The following HAUS8 variants were observed in gnomAD, a reference collection of about 807,000 sequenced individuals.
The protein encoded by HAUS8 is HAUS augmin like complex subunit 8, also known as HAUS augmin-like complex subunit 8.
In HAUS8, 38 loss-of-function variants were observed where a neutral mutation model predicts 42.9. The observed-to-expected ratio is 0.89, with a 90% CI of 0.68 to 1.16. HAUS8 has a LOEUF of 1.16. Ranked by LOEUF, HAUS8 falls within the 50% of genes most tolerant of loss-of-function variation. The pLI is 0.00. For missense variants in HAUS8, 494 were observed against 511.6 expected, an observed-to-expected ratio of 0.97 and a Z score of 0.33; for synonymous variants, 199 against 205.8, an observed-to-expected ratio of 0.97 and a Z score of 0.28.
chr19:17,056,660 G>A (rs1196793272), intron 8 of HAUS8, among the ~76,000 whole-genome samples: 1 of 151,880 alleles, frequency 6.6e-6, no homozygotes, highest in African/African-American at 2.4e-5. Flanking sequence ...GCGCAGTCTC[G>A]GCTCACTGCA....
chr19:17,065,625 C>T (rs1165830518), intron 3 of HAUS8, among the ~76,000 whole-genome samples: 4 of 151,918 alleles, frequency 2.6e-5, no homozygotes, highest in African/African-American at 7.3e-5. Context: ...GTCAGGAGTT[C>T]GAGACCAGCC....
chr19:17,061,884 A>G (rs553007734), intron 4 of HAUS8, among the ~76,000 whole-genome samples: 1 of 152,340 alleles, frequency 6.6e-6, no homozygotes, highest in South Asian at 2.1e-4. Flanking sequence ...CTTCAACCCA[A>G]TTAGATGGGG....
In HAUS8 at chr19:17,075,441, A is replaced by T. The variant is rs1455121044; in HGVS notation, c.-19T>A. 2.5e-6 allele frequency: 4 copies of T among 1,613,084 alleles called. No individual in the cohort carries two copies. The highest frequency in any genetic ancestry group is 1.3e-5 in the African/African-American group (1 of 74,892). On this transcript the variant is annotated 5_prime_UTR_variant, in exon 1 of 11. Coordinates refer to ENST00000253669, the MANE Select transcript of HAUS8 (RefSeq NM_033417.2). ...CCGCCATTTTCCCGCCTTCCACCTC[A>T]AGGCCCGACCCGCCGGCTTTTCAAA... is the stretch of plus-strand genomic sequence containing the variant.
At chr19:17,075,251 A>G (rs2057462822) in intron 1 of HAUS8, 143 bp downstream of exon 1, 1 of 871,542 alleles carries the variant, frequency 1.1e-6, no homozygotes, top group African/African-American at 1.7e-5. Context: ...GCAGCACGCC[A>G]TCGGGGTCTT....
intron 3 of HAUS8, among the ~76,000 whole-genome samples, chr19:17,066,152 C>T (rs1447036975): frequency 6.6e-6 from 1 of 151,962 alleles, no homozygotes; most frequent in African/African-American, 2.4e-5. Flanking sequence ...TAGGGTCTTG[C>T]TATGTTGCCC....
At chr19:17,066,734 GC>G (rs2057389192) in intron 3 of HAUS8, among the ~76,000 whole-genome samples, 1 of 152,140 alleles carries the variant, frequency 6.6e-6, no homozygotes, top group South Asian at 2.1e-4. Context: ...TTTTCTACGA[GC>G]CAGCAATCCT....
At chr19:17,058,162 T>C (rs7359959) in intron 8 of HAUS8, among the ~76,000 whole-genome samples, 67,535 of 152,112 alleles carry the variant, frequency 0.44, 15,265 homozygotes, top group South Asian at 0.58. Context: ...TCCAGGGGTT[T>C]GTTCCTGTCC....
intron 3 of HAUS8, among the ~76,000 whole-genome samples, chr19:17,065,255 GT>G (rs1392040145): frequency 1.4e-4 from 22 of 152,324 alleles, no homozygotes; most frequent in Non-Finnish European, 2.4e-4. Flanking sequence ...ATAACAGGTA[GT>G]TTCCTGTTAC....
intron 8 of HAUS8, among the ~76,000 whole-genome samples, chr19:17,058,325 G>A (rs529136206): frequency 1.3e-4 from 20 of 152,348 alleles, no homozygotes; most frequent in African/African-American, 4.8e-4. Context: ...GTGCATAGAA[G>A]GTGCACACCT....
chr19:17,062,131 A>G (rs976323157), intron 4 of HAUS8, among the ~76,000 whole-genome samples: 2 of 152,036 alleles, frequency 1.3e-5, no homozygotes, highest in African/African-American at 2.4e-5. Context: ...CTTCTTGTTG[A>G]TGTTGTTGAG....
At chr19:17,053,445 T>C in intron 9 of HAUS8, 1 of 159,232 alleles carries the variant, frequency 6.3e-6, no homozygotes, top group South Asian at 1.8e-4. Context: ...AGAGTCACAT[T>C]TTGGGAGCCT....
chr19:17,056,310 G>A (rs1367482773), intron 8 of HAUS8, among the ~76,000 whole-genome samples: 1 of 152,170 alleles, frequency 6.6e-6, no homozygotes, highest in Non-Finnish European at 1.5e-5. Context: ...GCCATCCCCG[G>A]CATGGCCCAC....
chr19:17,058,645 C>T lies in HAUS8; in HGVS notation c.549G>A (p.Lys183=). 1 of 1,613,516 alleles carries T rather than the reference C, an allele frequency of 6.2e-7. No homozygotes were observed. The highest frequency in any genetic ancestry group is 8.5e-7 in the Non-Finnish European group (1 of 1,179,828). ...CCTTTTTCTGTAGCTTCTCCTTCTC[C>T]TTACACATTATTAATAAATTCTTTT... The part of the protein sequence containing the change: ...RAEKNLLIMC[K]EKEKLQKKAH... The change falls in exon 8 of 11, where the codon AAG becomes AAA. Residue 183 remains lysine, a synonymous_variant. Transcript: ENST00000253669.
In HAUS8 at chr19:17,052,713, C is replaced by T. The variant is rs576020278; in HGVS notation, c.929+112G>A. On this transcript the variant is annotated intron_variant, in intron 10 of 10. Coordinates refer to ENST00000253669, the MANE Select transcript of HAUS8 (RefSeq NM_033417.2). ...GGAAAAGAGCAGCTCGCTCAGGGGA[C>T]TGAACCTCCTCTGAACTCCTAGAGG... 2.0e-5 allele frequency: 23 copies of T among 1,136,748 alleles called. No individual in the cohort carries two copies. The East Asian group carries it at 4.7e-4, about 23-fold the overall frequency. The allele number at this position is 1,136,748 out of a possible 1,614,324, so 70.4% of individuals were successfully genotyped here. A position where few individuals can be genotyped will look rare whatever the true frequency, so the allele number is the denominator to read the frequency against.
chr19:17,066,104 C>T (rs1438078151), intron 3 of HAUS8, among the ~76,000 whole-genome samples: 1 of 151,988 alleles, frequency 6.6e-6, no homozygotes, highest in East Asian at 1.9e-4. Context: ...TATAAGCACT[C>T]ACCACTACGC....
chr19:17,058,066 C>T (rs2057336768), intron 8 of HAUS8, among the ~76,000 whole-genome samples: 2 of 152,254 alleles, frequency 1.3e-5, no homozygotes, highest in Admixed American at 1.3e-4. Context: ...TTTGCCCACC[C>T]AGGTTGTGGG....
chr19:17,072,940 A>AC (rs1005317848), intron 2 of HAUS8, among the ~76,000 whole-genome samples: 52 of 103,310 alleles, frequency 5.0e-4, no homozygotes, highest in African/African-American at 1.1e-3. Context: ...ACATAGTGAG[A>AC]CCCCAACTCA....
chr19:17,052,156 C>T (rs2057291256), intron 10 of HAUS8: 1 of 145,506 alleles, frequency 6.9e-6, no homozygotes, highest in Non-Finnish European at 1.5e-5. Flanking sequence ...TAAATAGAAA[C>T]AAGGTCTCAC....
At chr19:17,060,698 G>A (rs1301643723) in intron 4 of HAUS8, among the ~76,000 whole-genome samples, 6 of 152,178 alleles carry the variant, frequency 3.9e-5, no homozygotes, top group East Asian at 1.9e-4. Flanking sequence ...ATGAGCCACC[G>A]CACTCAGCCA....
Sources: allele counts gnomAD v4.1 joint callset (sites outside exome capture counted in the v4.1 genomes callset), GRCh38; gene constraint gnomAD v4.1.1; transcripts MANE v1.5; gene names NCBI Gene and HGNC (gene_info 2026-07-23, HGNC 2026-07-21).